The following TRMU variants were observed in gnomAD, a reference collection of about 807,000 sequenced individuals.
TRMU encodes mitochondrial tRNA-specific 2-thiouridylase 1.
Under a neutral mutation model 46.9 loss-of-function variants are expected in TRMU, and 49 were observed. The observed-to-expected ratio is 1.05, with a 90% CI of 0.83 to 1.33. The LOEUF is 1.33. TRMU is among the 40% of genes most tolerant of loss of function. The pLI, the probability that TRMU is intolerant of heterozygous loss-of-function variation, is 0.00. For missense variants in TRMU, 572 were observed against 532.4 expected (o/e 1.07, Z -0.73); for synonymous variants, 241 against 200.9 (o/e 1.20, Z -1.69).
In TRMU at chr22:46,350,888, G is replaced by T. The variant is rs973229377; in HGVS notation, c.651+425G>T. ...GGCACAGACTCGTTCGGTGCCATCT[G>T]TTCGGGCGCTGTGCTGCTGGGCCGC... On this transcript the variant is annotated intron_variant, in intron 5 of 10. Transcript: ENST00000645190. The surrounding 1 kb of genome is among the most constrained non-coding windows in gnomAD (Gnocchi z 4.6). Among the ~76,000 whole-genome samples, 1 of 152,250 alleles carries T rather than the reference G, an allele frequency of 6.6e-6. No individual in the cohort carries two copies. Among genetic ancestry groups the T allele is most frequent in the Admixed American group, 6.5e-5 (1 of 15,284 alleles).
Position 46,351,767 on chromosome 22 carries a change from C to T in TRMU, c.652-354C>T. 2.5e-6 allele frequency: 1 copy of T among 400,204 alleles called. No individual in the cohort carries two copies. Among genetic ancestry groups the T allele is most frequent in the South Asian group, 2.1e-5 (1 of 46,704 alleles). The allele number at this position is 400,204 out of a possible 1,614,324, so 24.8% of individuals were successfully genotyped here. On this transcript the variant is annotated intron_variant, in intron 5 of 10. Transcript: ENST00000645190. The surrounding 1 kb of genome is among the most constrained non-coding windows in gnomAD (Gnocchi z 6.4). ...CCTAAGGCCTTAGCTTCAGGCCTGG[C>T]TTTCCTGCTACCTGCCCCTTCTCTG...
chr22:46,335,946 C>T (rs1454816326), intron 1 of TRMU, 100 bp downstream of exon 1: 20 of 1,491,322 alleles, frequency 1.3e-5, no homozygotes, highest in Admixed American at 6.4e-5. Flanking sequence ...CCTCCCTGGG[C>T]CGCTGGTTGC....
At position 46,338,300 on chromosome 22, in the gene TRMU, G is replaced by A. The variant is rs2078033853; in HGVS notation, c.248+356G>A. The A allele has an allele frequency of 9.7e-6, 3 of 307,952 alleles. No individual in the cohort carries two copies. The highest frequency in any genetic ancestry group is 4.3e-5 in the Admixed American group (1 of 23,482). 19.1% of individuals were successfully genotyped at this position (307,952 alleles called of 1,614,324 possible). ...ATGCCTGTGTGCTATGTGGGTCAGC[G>A]ATTAGGGGATTTCTGAGAAAGAGGT... On this transcript the variant is annotated intron_variant, in intron 2 of 10. Coordinates refer to ENST00000645190, the MANE Select transcript of TRMU (RefSeq NM_018006.5). The surrounding 1 kb of genome is among the most constrained non-coding windows in gnomAD (Gnocchi z 4.5).
chr22:46,343,682 T>C (rs1299817115), intron 3 of TRMU, among the ~76,000 whole-genome samples: 1 of 152,214 alleles, frequency 6.6e-6, no homozygotes, highest in African/African-American at 2.4e-5. Flanking sequence ...AGCCTGTTTC[T>C]TCTTGTGGAA....
rs1277703005 is a variant in TRMU at position 46,342,146 on chromosome 22, C to G, written c.249-1116C>G. On this transcript the variant is annotated intron_variant, in intron 2 of 10. Coordinates refer to ENST00000645190, the MANE Select transcript of TRMU (RefSeq NM_018006.5). This position sits in a 1 kb window ranked among gnomAD's most constrained non-coding sequence, Gnocchi z 4.7. ...TTGGGGGTTCAGTCCCCCAGACGGA[C>G]TCCCCCCACAACAGCAGTCGAAAGT... 2.0e-5 allele frequency among the ~76,000 whole-genome samples: 3 copies of G among 152,216 alleles called. No individual in the cohort carries two copies. The highest frequency in any genetic ancestry group is 1.3e-4 in the Admixed American group (2 of 15,282).
Position 46,336,926 on chromosome 22 carries a change from C to A in TRMU, c.83-853C>A, listed in dbSNP as rs1294368645. On this transcript the variant is annotated intron_variant, in intron 1 of 10. Coordinates refer to ENST00000645190, the MANE Select transcript of TRMU (RefSeq NM_018006.5). The surrounding 1 kb of genome is among the most constrained non-coding windows in gnomAD (Gnocchi z 4.1). ...GCAGTGCAAGCAGAATCACAGAGGC[C>A]TGCAAGTGTGGGCTGGTTCTGGCCA... Among the ~76,000 whole-genome samples the A allele has an allele frequency of 6.6e-6, 1 of 152,044 alleles. No homozygotes were observed. The highest frequency in any genetic ancestry group is 1.5e-5 in the Non-Finnish European group (1 of 68,016).
chr22:46,346,661 T>A (rs2078266817), intron 4 of TRMU, 117 bp downstream of exon 4: 1 of 1,262,152 alleles, frequency 7.9e-7, no homozygotes, highest in East Asian at 2.6e-5. Context: ...TGCTCCAGAG[T>A]AGCTTGTATG....
At position 46,352,179 on chromosome 22, in the gene TRMU, G is replaced by A. The variant is rs758584023; in HGVS notation, c.705+5G>A. 46 of 1,614,174 alleles carry A rather than the reference G, an allele frequency of 2.8e-5. 1 individual carries two copies. Among genetic ancestry groups the A allele is most frequent in the East Asian group, 6.7e-5 (3 of 44,886 alleles). ...TTTGAACATTTCCTTCTTCAGGTGC[G>A]TGCTGCTCTTTGACACAAAGAGATG... On this transcript the variant is annotated splice_donor_5th_base_variant and intron_variant, in intron 6 of 10. Transcript: ENST00000645190.
At chr22:46,345,585 T>G (rs1476607420) in intron 3 of TRMU, among the ~76,000 whole-genome samples, 3 of 152,178 alleles carry the variant, frequency 2.0e-5, no homozygotes, top group African/African-American at 4.8e-5. Flanking sequence ...AGACCTGAGA[T>G]TTTTCTTCAA....
Position 46,350,529 on chromosome 22 carries a change from G to C in TRMU, c.651+66G>C, listed in dbSNP as rs1344356268. ...TTTCCCGACTGCATGGCACGGAGCA[G>C]CTGGACCTGTGGGTCCCGCACCACT... On this transcript the variant is annotated intron_variant, in intron 5 of 10. Coordinates refer to ENST00000645190, the MANE Select transcript of TRMU (RefSeq NM_018006.5). This position sits in a 1 kb window ranked among gnomAD's most constrained non-coding sequence, Gnocchi z 4.6. The C allele has an allele frequency of 1.0e-5, 16 of 1,596,102 alleles. No individual in the cohort carries two copies. The highest frequency in any genetic ancestry group is 1.8e-4 in the Middle Eastern group (1 of 5,686).
chr22:46,357,266 C>T lies in TRMU; in HGVS notation c.*260C>T, dbSNP rs1293156389. 6.9e-6 allele frequency: 4 copies of T among 578,638 alleles called. No individual in the cohort carries two copies. The highest frequency in any genetic ancestry group is 3.0e-5 in the Admixed American group (1 of 33,196). The allele number at this position is 578,638 out of a possible 1,614,324, so 35.8% of individuals were successfully genotyped here. ...TTCACCGCCCCCAGGGAGGGTTTCC[C>T]ACCTCAGAGTACACCGAGGGGACCT... On this transcript the variant is annotated 3_prime_UTR_variant, in exon 11 of 11. Coordinates refer to ENST00000645190, the MANE Select transcript of TRMU (RefSeq NM_018006.5).
chr22:46,356,223 C>G, intron 10 of TRMU, 151 bp downstream of exon 10: 1 of 755,344 alleles, frequency 1.3e-6, no homozygotes. Flanking sequence ...CAGCCCTGCC[C>G]TGGGGGCTCC....
At position 46,351,888 on chromosome 22, in the gene TRMU, C is replaced by T. The variant is rs541152111; in HGVS notation, c.652-233C>T. On this transcript the variant is annotated intron_variant, in intron 5 of 10. Coordinates refer to ENST00000645190, the MANE Select transcript of TRMU (RefSeq NM_018006.5). This position sits in a 1 kb window ranked among gnomAD's most constrained non-coding sequence, Gnocchi z 6.4. ...CGGGGCAGCTGGTGTGAGGGTCTCC[C>T]GCGCAGGGTCAGACCCCGCGGGCCG... The T allele has an allele frequency of 3.1e-4, 197 of 629,280 alleles. No homozygotes were observed. Among genetic ancestry groups the T allele is most frequent in the African/African-American group, 3.0e-3 (164 of 55,098 alleles). The allele number at this position is 629,280 out of a possible 1,614,324, so 39.0% of individuals were successfully genotyped here.
intron 1 of TRMU, 52 bp downstream of exon 1, chr22:46,335,898 C>T (rs903457576): frequency 6.6e-7 from 1 of 1,518,928 alleles, no homozygotes; most frequent in Non-Finnish European, 8.8e-7. Context: ...TCCCCGGAAA[C>T]CTGTCCCCGT....
chr22:46,341,103 G>C (rs114168059), intron 2 of TRMU, among the ~76,000 whole-genome samples: 1 of 152,204 alleles, frequency 6.6e-6, no homozygotes, highest in Non-Finnish European at 1.5e-5. Context: ...TCTCCCTCCC[G>C]AGGCACATGA....
At chr22:46,356,556 A>C (rs1389027731) in intron 10 of TRMU, 3 of 503,478 alleles carry the variant, frequency 6.0e-6, no homozygotes, top group African/African-American at 1.9e-5. Flanking sequence ...CCACATTCCC[A>C]AGGGGTGCAG....
rs1385323814 is a variant in TRMU, at chr22:46,338,084, G to A, written c.248+140G>A. On this transcript the variant is annotated intron_variant, in intron 2 of 10. Transcript: ENST00000645190. This position sits in a 1 kb window ranked among gnomAD's most constrained non-coding sequence, Gnocchi z 4.5. ...ACGGTGGTGCTGAAGACTGCAAGAGGCCTCAGCCACCCTCGGGGCTCTGTG... is the reference window on the plus strand; with the variant it reads ...ACGGTGGTGCTGAAGACTGCAAGAGACCTCAGCCACCCTCGGGGCTCTGTG... 3.3e-6 allele frequency: 4 copies of A among 1,208,544 alleles called. No individual in the cohort carries two copies. The African/African-American group carries it at 4.5e-5, about 14-fold the overall frequency. The allele number at this position is 1,208,544 out of a possible 1,614,324, so 74.9% of individuals were successfully genotyped here. A position where few individuals can be genotyped will look rare whatever the true frequency, so the allele number is the denominator to read the frequency against.
Position 46,338,252 on chromosome 22 carries a change from G to T in TRMU, c.248+308G>T. The stretch of plus-strand genomic sequence containing the variant: ...TAGGATAGGGGAGCTAAGGCTGAGG[G>T]CTCCCCTGGAAGGTGAGCACCAATG... On this transcript the variant is annotated intron_variant, in intron 2 of 10. Coordinates refer to ENST00000645190, the MANE Select transcript of TRMU (RefSeq NM_018006.5). The surrounding 1 kb of genome is among the most constrained non-coding windows in gnomAD (Gnocchi z 4.5). The T allele has an allele frequency of 2.5e-6, 1 of 397,998 alleles. No individual in the cohort carries two copies. The highest frequency in any genetic ancestry group is 2.2e-5 in the South Asian group (1 of 45,890). 24.7% of individuals were successfully genotyped at this position (397,998 alleles called of 1,614,324 possible). A position where few individuals can be genotyped will look rare whatever the true frequency, so the allele number is the denominator to read the frequency against.
intron 10 of TRMU, chr22:46,356,339 G>A: frequency 1.9e-6 from 1 of 523,190 alleles, no homozygotes. Context: ...CCAGAAGCGA[G>A]GACAGAAAAT....
Sources: gnomAD v4.1 joint callset for allele counts (sites outside exome capture counted in the v4.1 genomes callset) on GRCh38, gnomAD v4.1.1 for gene constraint, Gnocchi (gnomAD v3.1) non-coding constraint, MANE v1.5 for transcripts, NCBI Gene and HGNC (gene_info 2026-07-23, HGNC 2026-07-21) for gene names.